GPC4: variants seen among roughly 807,000 people sequenced by gnomAD.
GPC4 encodes glypican-4.
Under a neutral mutation model 35.0 loss-of-function variants are expected in GPC4, and 10 were observed. The ratio of observed to expected loss-of-function variants is 0.29; its 90% confidence interval spans 0.18 to 0.48. The LOEUF is 0.48. Among genes scored for constraint, GPC4 ranks in the 20% least tolerant of loss-of-function variants. GPC4 has a pLI of 0.99. For missense variants in GPC4, 322 were observed against 451.3 expected (o/e 0.71, Z 2.60); for synonymous variants, 167 against 170.2 (o/e 0.98, Z 0.15).
In GPC4 at chrX:133,324,413, C is replaced by T. The variant is rs376739765; in HGVS notation, c.443G>A (p.Arg148His). ...GTTCACATTTCCCACCACGTAGTAA[C>T]GTTTCAACTCTACGAAGAGATCTTT... is the stretch of plus-strand genomic sequence containing the variant. ...LFKDLFVELK[R>H]YYVVGNVNLE... The change falls in exon 3 of 9, where the codon CGT becomes CAT. Residue 148 changes from arginine (R) to histidine (H), a missense_variant. This residue lies in a region of GPC4 where 163 missense variants were observed against 277.2 expected (regional missense o/e 0.59). Transcript: ENST00000370828. 10 of 1,209,508 alleles carry T rather than the reference C, an allele frequency of 8.3e-6. No individual in the cohort carries two copies. The African/African-American group carries it at 1.1e-4, about 13-fold the overall frequency.
At chrX:133,374,280 G>A (rs1448280142) in intron 1 of GPC4, among the ~76,000 whole-genome samples, 1 of 110,986 alleles carries the variant, frequency 9.0e-6, no homozygotes, top group East Asian at 2.8e-4. Context: ...AGAGTGACAT[G>A]TGCTATTCTC....
intron 1 of GPC4, among the ~76,000 whole-genome samples, chrX:133,386,164 G>A (rs999289892): frequency 1.9e-5 from 2 of 107,563 alleles, no homozygotes; most frequent in African/African-American, 6.8e-5. Flanking sequence ...GAGCCAAGGA[G>A]GTCAAGGTTG....
chrX:133,415,274 C>T lies in GPC4; in HGVS notation c.-309G>A. On this transcript the variant is annotated 5_prime_UTR_variant, in exon 1 of 9. Coordinates refer to ENST00000370828, the MANE Select transcript of GPC4 (RefSeq NM_001448.3). ...CTCGGGGTTTCGCGGGGCAGCGAAC[C>T]CGGCAAGCTGACTGGCCGGCGAGGC... is the stretch of plus-strand genomic sequence containing the variant. 1 of 251,652 alleles carries T rather than the reference C, an allele frequency of 4.0e-6. No individual in the cohort carries two copies. Among genetic ancestry groups the T allele is most frequent in the Non-Finnish European group, 7.0e-6 (1 of 142,890 alleles). 20.7% of individuals were successfully genotyped at this position (251,652 alleles called of 1,213,427 possible).
chrX:133,344,303 G>A (rs1243304077), intron 1 of GPC4, among the ~76,000 whole-genome samples: 13 of 89,057 alleles, frequency 1.5e-4, no homozygotes, highest in Admixed American at 2.9e-4. Flanking sequence ...TCAGCTCACC[G>A]CAACCTCTGC....
chrX:133,346,097 T>C (rs1464789925), intron 1 of GPC4, among the ~76,000 whole-genome samples: 1 of 110,996 alleles, frequency 9.0e-6, no homozygotes, highest in Admixed American at 9.6e-5. Context: ...AAAATGAAGT[T>C]ACAAAGTTAC....
intron 2 of GPC4, among the ~76,000 whole-genome samples, chrX:133,337,318 AAAC>A (rs976016062): frequency 8.9e-6 from 1 of 112,303 alleles, no homozygotes; most frequent in South Asian, 3.7e-4. Context: ...TTTAAGAAGA[AAAC>A]AACAACAACA....
At chrX:133,374,371 A>T (rs2068624917) in intron 1 of GPC4, among the ~76,000 whole-genome samples, 1 of 111,981 alleles carries the variant, frequency 8.9e-6, no homozygotes, top group South Asian at 3.7e-4. Context: ...GCCCAGTGGG[A>T]GGAACAGACT....
Position 133,301,255 on chromosome X carries a change from C to T in GPC4, c.*1612G>A, listed in dbSNP as rs1238404924. 1 of 112,768 alleles carries T rather than the reference C, an allele frequency of 8.9e-6. No homozygotes were observed. Among genetic ancestry groups the T allele is most frequent in the Non-Finnish European group, 1.9e-5 (1 of 53,305 alleles). The allele number at this position is 112,768 out of a possible 1,213,427, so 9.3% of individuals were successfully genotyped here. A position where few individuals can be genotyped will look rare whatever the true frequency, so the allele number is the denominator to read the frequency against. On this transcript the variant is annotated 3_prime_UTR_variant, in exon 9 of 9. Transcript: ENST00000370828. The stretch of plus-strand genomic sequence containing the variant: ...TACAACTGAAGATTGAACAATAACA[C>T]AAACAACCTCTTTGTGGGTTTTAGG...
chrX:133,330,991 C>T (rs2124126496), intron 2 of GPC4, among the ~76,000 whole-genome samples: 1 of 111,115 alleles, frequency 9.0e-6, no homozygotes, highest in South Asian at 3.9e-4. Flanking sequence ...ACAGGCTGCT[C>T]CTTGGTGGAC....
At chrX:133,330,944 A>G (rs1394511538) in intron 2 of GPC4, among the ~76,000 whole-genome samples, 1 of 82,928 alleles carries the variant, frequency 1.2e-5, no homozygotes, top group Admixed American at 1.1e-4. Context: ...CCTAAGTCTA[A>G]GCAAAACAAA....
At chrX:133,401,103 CAG>C (rs1244557777) in intron 1 of GPC4, among the ~76,000 whole-genome samples, 1 of 111,078 alleles carries the variant, frequency 9.0e-6, no homozygotes, top group Non-Finnish European at 1.9e-5. Flanking sequence ...TGAAGGAAAA[CAG>C]AGAGACCAAC....
Position 133,311,768 on chromosome X carries a change from G to A in GPC4, c.712-345C>T, listed in dbSNP as rs914826314. ...CCTTTTACAAATAACTATGCAGGGT[G>A]AGCCATGAGATGCAGTGGAGGAGAC... On this transcript the variant is annotated intron_variant, in intron 3 of 8. Coordinates refer to ENST00000370828, the MANE Select transcript of GPC4 (RefSeq NM_001448.3). Among the ~76,000 whole-genome samples, 5 of 111,030 alleles carry A rather than the reference G, an allele frequency of 4.5e-5. No individual in the cohort carries two copies. In the East Asian group the frequency reaches 1.4e-3, roughly 32 times the overall value.
intron 2 of GPC4, among the ~76,000 whole-genome samples, chrX:133,332,177 G>A (rs1280444358): frequency 9.0e-6 from 1 of 111,177 alleles, no homozygotes; most frequent in Non-Finnish European, 1.9e-5. Flanking sequence ...TTCCTAAATA[G>A]TATTCCTCAT....
intron 1 of GPC4, among the ~76,000 whole-genome samples, chrX:133,388,490 T>G (rs1399271310): frequency 5.4e-5 from 6 of 111,708 alleles, no homozygotes; most frequent in African/African-American, 1.6e-4. Context: ...GCCTGACGGC[T>G]TCAAGGAGCT....
In GPC4 at chrX:133,414,377, C is replaced by T. The variant is rs1403544126; in HGVS notation, c.160+429G>A. On this transcript the variant is annotated intron_variant, in intron 1 of 8. Coordinates refer to ENST00000370828, the MANE Select transcript of GPC4 (RefSeq NM_001448.3). ...ACCCCACTGGCGACCCCCACCCCCACCCGGCCTCTCCTCACCCATACAACA... is the reference window on the plus strand; with the variant it reads ...ACCCCACTGGCGACCCCCACCCCCATCCGGCCTCTCCTCACCCATACAACA... 3 of 537,602 alleles carry T rather than the reference C, an allele frequency of 5.6e-6. No individual in the cohort carries two copies. In the African/African-American group the frequency reaches 7.9e-5, roughly 14 times the overall value. 44.3% of individuals were successfully genotyped at this position (537,602 alleles called of 1,213,427 possible).
chrX:133,346,428 C>T (rs1052252718), intron 1 of GPC4, among the ~76,000 whole-genome samples: 5 of 110,988 alleles, frequency 4.5e-5, no homozygotes, highest in Non-Finnish European at 7.5e-5. Context: ...AGGAGCTGAA[C>T]GGCATGCATA....
At chrX:133,378,132 C>T (rs184596559) in intron 1 of GPC4, among the ~76,000 whole-genome samples, 5 of 110,721 alleles carry the variant, frequency 4.5e-5, no homozygotes, top group African/African-American at 1.3e-4. Context: ...GTGATCTGCC[C>T]ACCTTGGCCT....
intron 1 of GPC4, among the ~76,000 whole-genome samples, chrX:133,406,914 A>G (rs1164413384): frequency 9.1e-6 from 1 of 109,859 alleles, no homozygotes; most frequent in Non-Finnish European, 1.9e-5. Flanking sequence ...ATCTCTACTA[A>G]ACATACAAAA....
chrX:133,332,385 T>C (rs767974983), intron 2 of GPC4, among the ~76,000 whole-genome samples: 96 of 111,664 alleles, frequency 8.6e-4, no homozygotes, highest in African/African-American at 2.9e-3. Flanking sequence ...TCTATGTGAT[T>C]AAAACTTCTT....
Sources: allele counts gnomAD v4.1 joint callset (sites outside exome capture counted in the v4.1 genomes callset), GRCh38; gene constraint gnomAD v4.1.1; regional missense constraint gnomAD v4.1.1; transcripts MANE v1.5; gene names NCBI Gene and HGNC (gene_info 2026-07-23, HGNC 2026-07-21).